GLIS3: variants seen among roughly 807,000 people sequenced by gnomAD.
GLIS3 encodes zinc finger protein GLIS3.
A neutral mutation model predicts 78.6 loss-of-function variants in GLIS3; 53 were observed. The ratio of observed to expected loss-of-function variants is 0.67; its 90% CI spans 0.54 to 0.85. GLIS3 has a LOEUF of 0.85. GLIS3 is among the 40% of genes least tolerant of loss of function. The pLI is 0.00. For missense variants in GLIS3, 1,703 were observed against 1,231.1 expected, an observed-to-expected ratio of 1.38 and a Z score of -5.74; for synonymous variants, 684 against 509.9, an observed-to-expected ratio of 1.34 and a Z score of -4.60.
the GLIS3 span, among the ~76,000 whole-genome samples, chr9:4,383,776 C>T: frequency 6.6e-6 from 1 of 152,140 alleles, no homozygotes; most frequent in Non-Finnish European, 1.5e-5. Flanking sequence ...GATAATCAGC[C>T]TCTTTGTGTT....
At chr9:4,020,945 CAG>C (rs550728171) in intron 4 of GLIS3, among the ~76,000 whole-genome samples, 34 of 152,294 alleles carry the variant, frequency 2.2e-4, no homozygotes, top group African/African-American at 6.0e-4. Context: ...TAGAGCAGCA[CAG>C]AGACTTCTAT....
intron 2 of GLIS3, among the ~76,000 whole-genome samples, chr9:4,311,781 C>T (rs760655061): frequency 3.3e-5 from 5 of 152,180 alleles, no homozygotes; most frequent in African/African-American, 9.7e-5. Flanking sequence ...CAGCAGTGGT[C>T]GTCTGACAGG....
the GLIS3 span, among the ~76,000 whole-genome samples, chr9:4,403,337 A>T: frequency 0.71 from 108,470 of 152,034 alleles, 38,806 homozygotes; most frequent in South Asian, 0.81. Flanking sequence ...AAAGAAAGGG[A>T]TGTTAATGAC....
chr9:4,278,629 T>C (rs1440718711), intron 2 of GLIS3, among the ~76,000 whole-genome samples: 1 of 152,132 alleles, frequency 6.6e-6, no homozygotes, highest in East Asian at 1.9e-4. Flanking sequence ...CTAATAAACA[T>C]AGCAGGAATA....
chr9:3,900,426 T>C (rs927651758), intron 6 of GLIS3, among the ~76,000 whole-genome samples: 3 of 152,102 alleles, frequency 2.0e-5, no homozygotes, highest in Non-Finnish European at 4.4e-5. Flanking sequence ...ATAATTGAAA[T>C]AATTTGATTC....
At chr9:3,997,749 G>A (rs1454323798) in intron 4 of GLIS3, among the ~76,000 whole-genome samples, 1 of 152,002 alleles carries the variant, frequency 6.6e-6, no homozygotes, top group Non-Finnish European at 1.5e-5. Context: ...ATCAAACTTA[G>A]TGGGGAAATA....
the GLIS3 span, among the ~76,000 whole-genome samples, chr9:4,370,198 A>C: frequency 2.0e-5 from 3 of 151,576 alleles, no homozygotes; most frequent in African/African-American, 4.8e-5. Flanking sequence ...AAAAAAAAAA[A>C]AAAAACAACC....
At chr9:4,399,393 A>G in the GLIS3 span, among the ~76,000 whole-genome samples, 1 of 152,218 alleles carries the variant, frequency 6.6e-6, no homozygotes, top group African/African-American at 2.4e-5. Flanking sequence ...CATTAAACTG[A>G]TTCTCTTACA....
At chr9:4,368,093 G>C in the GLIS3 span, among the ~76,000 whole-genome samples, 1 of 152,160 alleles carries the variant, frequency 6.6e-6, no homozygotes, top group African/African-American at 2.4e-5. Flanking sequence ...GTCAATGAAC[G>C]TATCACATGG....
chr9:4,065,314 G>A (rs1010322982), intron 4 of GLIS3, among the ~76,000 whole-genome samples: 2 of 152,140 alleles, frequency 1.3e-5, no homozygotes, highest in Admixed American at 6.5e-5. Flanking sequence ...CCGAACAAAG[G>A]ATGATTCAAG....
chr9:4,484,247 T>A, the GLIS3 span, among the ~76,000 whole-genome samples: 4,284 of 146,044 alleles, frequency 0.029, 258 homozygotes, highest in African/African-American at 0.1. Context: ...TTATTTTTTT[T>A]ATTTTTTTGA....
chr9:4,297,809 T>C (rs1413656649), intron 1 of GLIS3, among the ~76,000 whole-genome samples: 1 of 152,088 alleles, frequency 6.6e-6, no homozygotes, highest in African/African-American at 2.4e-5. Context: ...AGAGGAGGGC[T>C]GGAGAAGTCG....
At chr9:4,437,541 A>G in the GLIS3 span, among the ~76,000 whole-genome samples, 1 of 152,190 alleles carries the variant, frequency 6.6e-6, no homozygotes, top group Non-Finnish European at 1.5e-5. Flanking sequence ...AGAGGACAAA[A>G]CTGTGGCATA....
the GLIS3 span, among the ~76,000 whole-genome samples, chr9:4,368,104 C>T: frequency 1.3e-5 from 2 of 152,182 alleles, no homozygotes; most frequent in African/African-American, 4.8e-5. Flanking sequence ...TATCACATGG[C>T]ATGACTATTC....
chr9:4,371,659 G>A, the GLIS3 span, among the ~76,000 whole-genome samples: 1 of 151,922 alleles, frequency 6.6e-6, no homozygotes, highest in South Asian at 2.1e-4. Context: ...ACTGGCCTCT[G>A]CCCCCTGCCT....
chr9:4,060,500 G>C (rs1273040434), intron 4 of GLIS3, among the ~76,000 whole-genome samples: 1 of 152,178 alleles, frequency 6.6e-6, no homozygotes, highest in Non-Finnish European at 1.5e-5. Context: ...GCCTTAAGAG[G>C]TGACTGGGTC....
At chr9:4,268,004 A>C (rs12336304) in intron 2 of GLIS3, among the ~76,000 whole-genome samples, 1 of 151,192 alleles carries the variant, frequency 6.6e-6, no homozygotes, top group Non-Finnish European at 1.5e-5. Flanking sequence ...TATGTGTGTG[A>C]ATATATACAT....
At chr9:4,443,136 T>C in the GLIS3 span, among the ~76,000 whole-genome samples, 3 of 152,144 alleles carry the variant, frequency 2.0e-5, no homozygotes, top group Admixed American at 2.0e-4. Flanking sequence ...TAGCTTCAAG[T>C]AACAAATTTG....
At chr9:3,916,555 T>G (rs957539480) in intron 6 of GLIS3, among the ~76,000 whole-genome samples, 4 of 152,260 alleles carry the variant, frequency 2.6e-5, no homozygotes, top group Non-Finnish European at 5.9e-5. Context: ...GTCTGTCCAT[T>G]ACTAATCCTC....
Sources: allele counts gnomAD v4.1 joint callset (sites outside exome capture counted in the v4.1 genomes callset), GRCh38; gene constraint gnomAD v4.1.1; transcripts MANE v1.5; gene names NCBI Gene and HGNC (gene_info 2026-07-23, HGNC 2026-07-21).